The following DNMBP variants were observed in gnomAD, a reference collection of about 807,000 sequenced individuals.
DNMBP encodes dynamin binding protein.
DNMBP carries 87 observed loss-of-function variants against 150.0 expected under a neutral mutation model. The observed-to-expected ratio is 0.58, with a 90% CI of 0.49 to 0.69. DNMBP has a LOEUF of 0.69. DNMBP is among the 30% of genes least tolerant of loss of function. The pLI is 0.00. For synonymous variants in DNMBP, 711 were observed against 750.4 expected (o/e 0.95, Z 0.86); for missense variants, 1,774 against 1,949.0 (o/e 0.91, Z 1.69).
chr10:99,988,093 T>G (rs571952253), intron 1 of DNMBP, among the ~76,000 whole-genome samples: 3 of 152,100 alleles, frequency 2.0e-5, no homozygotes, highest in African/African-American at 7.2e-5. Flanking sequence ...AAAAAAATCA[T>G]GAATAGTTGT....
intron 4 of DNMBP, among the ~76,000 whole-genome samples, chr10:99,953,077 A>G (rs903926913): frequency 6.6e-6 from 1 of 152,024 alleles, no homozygotes; most frequent in Admixed American, 6.6e-5. Flanking sequence ...CTATTTATAA[A>G]TTTTTTCTCC....
chr10:99,947,264 A>G (rs2040367902), intron 4 of DNMBP, among the ~76,000 whole-genome samples: 1 of 152,214 alleles, frequency 6.6e-6, no homozygotes, highest in African/African-American at 2.4e-5. Context: ...ACCTGCACTC[A>G]GCTGACTCCA....
intron 1 of DNMBP, among the ~76,000 whole-genome samples, chr10:100,006,187 G>C (rs930630461): frequency 1.3e-5 from 2 of 152,198 alleles, no homozygotes; most frequent in African/African-American, 4.8e-5. Context: ...TTACGAAACA[G>C]TGTTTTTGTT....
intron 1 of DNMBP, among the ~76,000 whole-genome samples, chr10:99,987,472 G>A (rs926446920): frequency 2.6e-5 from 4 of 152,142 alleles, no homozygotes; most frequent in Non-Finnish European, 5.9e-5. Context: ...AGTGGTTCAC[G>A]CCTGTAATCC....
Position 99,911,529 on chromosome 10 carries a change from AG to A in DNMBP, c.2261-2384del, listed in dbSNP as rs569134080. On this transcript the variant is annotated intron_variant, in intron 4 of 16. Coordinates refer to ENST00000324109, the MANE Select transcript of DNMBP (RefSeq NM_015221.4). The stretch of plus-strand genomic sequence containing the variant: ...ACAAAATACACACTGAAGCTTACTA[AG>A]GGGCACAATATATGCAATGTACTCT... 5.9e-5 allele frequency among the ~76,000 whole-genome samples: 9 copies of A among 152,308 alleles called. No individual in the cohort carries two copies. In the South Asian group the frequency reaches 1.9e-3, roughly 32 times the overall value.
intron 1 of DNMBP, among the ~76,000 whole-genome samples, chr10:99,995,108 G>A (rs535999851): frequency 2.1e-4 from 31 of 151,214 alleles, no homozygotes; most frequent in South Asian, 6.3e-4. Flanking sequence ...ACTGGAGTGC[G>A]GTGGTGCGAT....
intron 1 of DNMBP, among the ~76,000 whole-genome samples, chr10:99,976,093 T>C (rs1417132495): frequency 6.6e-6 from 1 of 152,196 alleles, no homozygotes; most frequent in Admixed American, 6.5e-5. Flanking sequence ...ATGCTAACAG[T>C]GTGAAAGCAC....
intron 9 of DNMBP, 113 bp from the exon 10 acceptor site, chr10:99,896,510 A>G: frequency 1.0e-6 from 1 of 1,001,096 alleles, no homozygotes; most frequent in Non-Finnish European, 1.6e-6. Context: ...ATGAGCTTAT[A>G]ACAAAATATT....
At chr10:99,996,997 G>C (rs1029458657) in intron 1 of DNMBP, among the ~76,000 whole-genome samples, 1 of 152,114 alleles carries the variant, frequency 6.6e-6, no homozygotes. Flanking sequence ...TAAAACTATG[G>C]GTTTGAAAAA....
chr10:99,934,122 T>C (rs1474563516), intron 4 of DNMBP, among the ~76,000 whole-genome samples: 2 of 152,142 alleles, frequency 1.3e-5, no homozygotes, highest in African/African-American at 4.8e-5. Flanking sequence ...CAAGACCCTA[T>C]TTTTGGGGAA....
At chr10:99,982,546 G>A (rs554967567) in intron 1 of DNMBP, among the ~76,000 whole-genome samples, 1 of 152,096 alleles carries the variant, frequency 6.6e-6, no homozygotes, top group African/African-American at 2.4e-5. Context: ...TCTAAATCCA[G>A]GTGAGAGGTA....
In DNMBP at chr10:99,932,738, GC is replaced by G. The variant is rs541980637; in HGVS notation, c.2260+22475del. On this transcript the variant is annotated intron_variant, in intron 4 of 16. Transcript: ENST00000324109. ...AAGCAGTGTGGCTGGGATTAATTGT[GC>G]ATGAGTCAAAGGCTCAGGCTGACCC... Among the ~76,000 whole-genome samples the G allele has an allele frequency of 5.3e-3, 782 of 146,768 alleles. 4 individuals are homozygous for G. Among genetic ancestry groups the G allele is most frequent in the South Asian group, 0.013 (57 of 4,434 alleles).
At position 99,955,607 on chromosome 10, in the gene DNMBP, G is replaced by A. The variant is rs2040479121; in HGVS notation, c.1867C>T (p.Pro623Ser). 6.2e-7 allele frequency: 1 copy of A among 1,613,992 alleles called. No individual in the cohort carries two copies. Among genetic ancestry groups the A allele is most frequent in the Non-Finnish European group, 8.5e-7 (1 of 1,179,864 alleles). ...AGGTTCTGGTCAACCAGCAAATGGG[G>A]AGAAGTGGATACCGGAGTACAGGGA... Reference protein sequence around the residue: ...PRPCTPVSTSPHLLVDQNLKP... With the variant: ...PRPCTPVSTSSHLLVDQNLKP... The change falls in exon 4 of 17, where the codon CCC becomes TCC. Residue 623 changes from proline to serine, a missense_variant. Pro to Ser is a moderately conservative substitution (Grantham distance 74). Transcript: ENST00000324109.
At chr10:99,973,345 TTCA>T (rs2040697775) in intron 1 of DNMBP, among the ~76,000 whole-genome samples, 2 of 152,168 alleles carry the variant, frequency 1.3e-5, no homozygotes, top group Admixed American at 1.3e-4. Flanking sequence ...ATAGAAAAGA[TTCA>T]AGTGTCAGCA....
chr10:99,986,703 C>A (rs940433329), intron 1 of DNMBP, among the ~76,000 whole-genome samples: 5 of 147,174 alleles, frequency 3.4e-5, no homozygotes, highest in African/African-American at 1.3e-4. Context: ...TTGAAACAAT[C>A]AGAGGTTAGG....
At chr10:99,933,500 T>C (rs1439733317) in intron 4 of DNMBP, among the ~76,000 whole-genome samples, 7 of 145,858 alleles carry the variant, frequency 4.8e-5, no homozygotes, top group Non-Finnish European at 9.1e-5. Flanking sequence ...AAAACAAGCT[T>C]TATTATATGG....
At chr10:99,985,923 T>C (rs1648846681) in intron 1 of DNMBP, among the ~76,000 whole-genome samples, 2 of 152,096 alleles carry the variant, frequency 1.3e-5, no homozygotes, top group South Asian at 4.1e-4. Context: ...GCTAATTTTT[T>C]ATATTTTTTG....
intron 1 of DNMBP, among the ~76,000 whole-genome samples, chr10:99,985,450 C>T (rs1374542936): frequency 6.6e-6 from 1 of 152,036 alleles, no homozygotes; most frequent in African/African-American, 2.4e-5. Flanking sequence ...TTTTTTGAGT[C>T]AGGGTCTCGC....
Position 99,956,086 on chromosome 10 carries a change from C to A in DNMBP, c.1388G>T (p.Arg463Ile), listed in dbSNP as rs747549558. The A allele has an allele frequency of 3.7e-6, 6 of 1,614,060 alleles. No homozygotes were observed. The East Asian group carries it at 1.3e-4, about 36-fold the overall frequency. The change falls in exon 4 of 17, where the codon AGA (arginine) becomes ATA (isoleucine). Residue 463 changes from arginine (R) to isoleucine (I), a missense_variant. Transcript: ENST00000324109. ...TRDYASLPPK[R>I]MYSQLKTLQK... is the part of the protein sequence containing the mutation. ...AAGAGTTTTTAGCTGGGAATACATT[C>A]TTTTGGGAGGTAGGCTGGCATAGTC... is the stretch of plus-strand genomic sequence containing the variant.
Sources: gnomAD v4.1 joint callset for allele counts (sites outside exome capture counted in the v4.1 genomes callset) on GRCh38, gnomAD v4.1.1 for gene constraint, MANE v1.5 for transcripts, NCBI Gene and HGNC (gene_info 2026-07-23, HGNC 2026-07-21) for gene names.